ARHGAP20: variants seen among roughly 807,000 people sequenced by gnomAD.
The protein encoded by ARHGAP20 is Rho GTPase activating protein 20.
ARHGAP20 carries 34 observed loss-of-function variants against 73.7 expected under a neutral mutation model. The observed-to-expected ratio is 0.46, with a 90% CI of 0.35 to 0.61. ARHGAP20 has a LOEUF of 0.61. Ranked by LOEUF, ARHGAP20 falls within the 20% of genes least tolerant of loss-of-function variation. The pLI is 0.00. For synonymous variants in ARHGAP20, 523 were observed against 518.2 expected (o/e 1.01, Z -0.13); for missense variants, 1,314 against 1,420.9 (o/e 0.92, Z 1.21).
At chr11:110,617,896 C>A (rs970282394) in intron 4 of ARHGAP20, among the ~76,000 whole-genome samples, 1 of 152,074 alleles carries the variant, frequency 6.6e-6, no homozygotes, top group African/African-American at 2.4e-5. Context: ...AAGGGCATGG[C>A]AGATTAGAAG....
chr11:110,632,742 C>A (rs903410331), intron 2 of ARHGAP20, among the ~76,000 whole-genome samples: 4 of 152,138 alleles, frequency 2.6e-5, no homozygotes, highest in Admixed American at 6.5e-5. Flanking sequence ...CTGCTAATTT[C>A]TTTCACGTTC....
intron 2 of ARHGAP20, among the ~76,000 whole-genome samples, chr11:110,662,275 G>T (rs1442248710): frequency 1.3e-5 from 2 of 151,742 alleles, no homozygotes; most frequent in African/African-American, 4.8e-5. Context: ...TGTTTTAATA[G>T]ATTCAACTTG....
intron 4 of ARHGAP20, among the ~76,000 whole-genome samples, chr11:110,622,243 T>G (rs975925964): frequency 6.6e-6 from 1 of 152,192 alleles, no homozygotes; most frequent in South Asian, 2.1e-4. Flanking sequence ...AACAGGAAAC[T>G]CACCCAGTAC....
chr11:110,698,968 T>C (rs563612571), intron 1 of ARHGAP20, among the ~76,000 whole-genome samples: 4 of 151,964 alleles, frequency 2.6e-5, no homozygotes, highest in Admixed American at 1.3e-4. Context: ...TGGGTTCCAA[T>C]TGGTCTTATT....
chr11:110,593,779 A>T (rs1947886309), intron 9 of ARHGAP20, among the ~76,000 whole-genome samples: 1 of 152,240 alleles, frequency 6.6e-6, no homozygotes, highest in Non-Finnish European at 1.5e-5. Flanking sequence ...TGAAGCTTGC[A>T]TTCACAGGGG....
intron 2 of ARHGAP20, among the ~76,000 whole-genome samples, chr11:110,644,391 C>T (rs958134317): frequency 2.6e-5 from 4 of 152,134 alleles, no homozygotes; most frequent in Non-Finnish European, 5.9e-5. Context: ...CATCACATTA[C>T]CTGACTTCAA....
chr11:110,636,714 C>T (rs953715956), intron 2 of ARHGAP20, among the ~76,000 whole-genome samples: 8 of 151,756 alleles, frequency 5.3e-5, no homozygotes, highest in South Asian at 2.1e-4. Context: ...ATAATTTAAA[C>T]GGAAAAAATT....
At chr11:110,669,910 C>T (rs144304314) in intron 2 of ARHGAP20, among the ~76,000 whole-genome samples, 39 of 152,248 alleles carry the variant, frequency 2.6e-4, no homozygotes, top group Non-Finnish European at 5.1e-4. Flanking sequence ...AAAAACCCTA[C>T]TGTCTACTAA....
chr11:110,661,642 A>G (rs1949614506), intron 2 of ARHGAP20, among the ~76,000 whole-genome samples: 1 of 152,108 alleles, frequency 6.6e-6, no homozygotes, highest in African/African-American at 2.4e-5. Context: ...TCATAGCAAA[A>G]TAAACATAAT....
At chr11:110,647,078 G>T (rs1241583659) in intron 2 of ARHGAP20, among the ~76,000 whole-genome samples, 1 of 152,096 alleles carries the variant, frequency 6.6e-6, no homozygotes, top group Non-Finnish European at 1.5e-5. Context: ...AATGGTAGCT[G>T]TGGGGGTTTT....
At chr11:110,683,977 C>T (rs1419138128) in intron 2 of ARHGAP20, among the ~76,000 whole-genome samples, 2 of 152,104 alleles carry the variant, frequency 1.3e-5, no homozygotes, top group African/African-American at 4.8e-5. Context: ...TTGCCCCTTC[C>T]GTCATGTGAG....
At chr11:110,659,130 A>C (rs891032109) in intron 2 of ARHGAP20, among the ~76,000 whole-genome samples, 6 of 148,680 alleles carry the variant, frequency 4.0e-5, no homozygotes, top group African/African-American at 1.5e-4. Flanking sequence ...CTGAGGAATC[A>C]CCACACTGAC....
At position 110,577,379 on chromosome 11, in the gene ARHGAP20, A is replaced by AACACAGAT; in HGVS notation, c.*1983_*1990dup. On this transcript the variant is annotated 3_prime_UTR_variant, in exon 15 of 15. Coordinates refer to ENST00000683387, the MANE Select transcript of ARHGAP20 (RefSeq NM_001384657.1). ...TAAGAATTACAGGAGTATCTAAGGGAACACAGATAGTAGGAATGGTTATTA... is the reference window on the plus strand; with the variant it reads ...TAAGAATTACAGGAGTATCTAAGGGAACACAGATACACAGATAGTAGGAATGGTTATTA... The AACACAGAT allele has an allele frequency of 8.4e-7, 1 of 1,196,056 alleles. No individual in the cohort carries two copies. The highest frequency in any genetic ancestry group is 1.0e-6 in the Non-Finnish European group (1 of 965,244). 74.1% of individuals were successfully genotyped at this position (1,196,056 alleles called of 1,614,324 possible). A position where few individuals can be genotyped will look rare whatever the true frequency, so the allele number is the denominator to read the frequency against.
chr11:110,579,586 T>C lies in ARHGAP20; in HGVS notation c.3360A>G (p.Arg1120=), dbSNP rs1947380971. ...CSSSPFQDSE[R]HCSSPFSLVE... ...CCAGGCTGAATGGAGAGCTACAGTG[T>C]CTCTCTGAGTCCTGGAAGGGAGAAG... Residue 1120 remains arginine (R), a synonymous_variant, in exon 15 of 15, where the codon AGA becomes AGG. Transcript: ENST00000683387. 1.2e-6 allele frequency: 2 copies of C among 1,613,880 alleles called. No homozygotes were observed. The highest frequency in any genetic ancestry group is 2.2e-5 in the South Asian group (2 of 91,078).
intron 1 of ARHGAP20, chr11:110,711,526 G>T: frequency 8.3e-7 from 1 of 1,204,744 alleles, no homozygotes; most frequent in Non-Finnish European, 1.1e-6. Flanking sequence ...GGGAGACCCG[G>T]AATCATCCAG....
intron 6 of ARHGAP20, among the ~76,000 whole-genome samples, chr11:110,612,496 C>G (rs1948392697): frequency 6.6e-6 from 1 of 151,440 alleles, no homozygotes; most frequent in African/African-American, 2.4e-5. Context: ...CTATAGAGAT[C>G]GCTGAATTCC....
intron 2 of ARHGAP20, among the ~76,000 whole-genome samples, chr11:110,631,140 T>G (rs1420142220): frequency 2.0e-5 from 3 of 152,238 alleles, no homozygotes; most frequent in South Asian, 2.1e-4. Flanking sequence ...TCCCCCTGAA[T>G]GCTTCAGCAT....
At chr11:110,612,940 G>A (rs1948402491) in intron 6 of ARHGAP20, among the ~76,000 whole-genome samples, 1 of 152,174 alleles carries the variant, frequency 6.6e-6, no homozygotes, top group African/African-American at 2.4e-5. Flanking sequence ...TCATAGGTAT[G>A]AGACATACTG....
At chr11:110,629,141 T>TA (rs1948808710) in intron 3 of ARHGAP20, among the ~76,000 whole-genome samples, 1 of 149,382 alleles carries the variant, frequency 6.7e-6, no homozygotes, top group Non-Finnish European at 1.5e-5. Flanking sequence ...TTGGTTATTA[T>TA]AAAAAATTTT....
Sources: allele counts gnomAD v4.1 joint callset (sites outside exome capture counted in the v4.1 genomes callset), GRCh38; gene constraint gnomAD v4.1.1; transcripts MANE v1.5; gene names NCBI Gene and HGNC (gene_info 2026-07-23, HGNC 2026-07-21).